PDPK1: variants seen among roughly 807,000 people sequenced by gnomAD.
The protein encoded by PDPK1 is 3-phosphoinositide-dependent protein kinase 1.
PDPK1 carries 7 observed loss-of-function variants against 39.8 expected under a neutral mutation model. That is an observed-to-expected ratio of 0.18 (90% CI 0.10 to 0.33). The LOEUF is 0.33. PDPK1 is among the 10% of genes least tolerant of loss of function. The pLI, the probability that PDPK1 is intolerant of heterozygous loss-of-function variation, is 1.00. For missense variants in PDPK1, 182 were observed against 384.7 expected (o/e 0.47, Z 4.41); for synonymous variants, 118 against 159.1 (o/e 0.74, Z 1.95).
intron 11 of PDPK1, among the ~76,000 whole-genome samples, chr16:2,592,244 C>T (rs1325581909): frequency 6.6e-6 from 1 of 152,162 alleles, no homozygotes; most frequent in African/African-American, 2.4e-5. Flanking sequence ...ATGGTCACCC[C>T]TTGTGGATTG....
At position 2,602,321 on chromosome 16, in the gene PDPK1, G is replaced by T; in HGVS notation, c.*4554G>T. 4.3e-6 allele frequency: 1 copy of T among 234,750 alleles called. No homozygotes were observed. The highest frequency in any genetic ancestry group is 1.8e-4 in the South Asian group (1 of 5,526). 14.5% of individuals were successfully genotyped at this position (234,750 alleles called of 1,614,324 possible). ...CCAAAATTGCAGGGTTGTAGATGAGGCTGCCTGTGGAGAACTGGTGTGAGG... is the reference window on the plus strand; with the variant it reads ...CCAAAATTGCAGGGTTGTAGATGAGTCTGCCTGTGGAGAACTGGTGTGAGG... On this transcript the variant is annotated 3_prime_UTR_variant, in exon 14 of 14. Transcript: ENST00000342085.
At chr16:2,542,563 A>G in intron 1 of PDPK1, among the ~76,000 whole-genome samples, 1 of 152,156 alleles carries the variant, frequency 6.6e-6, no homozygotes, top group Admixed American at 6.5e-5. Context: ...TGACATTAGC[A>G]GCTCACTGTT....
chr16:2,558,444 T>C (rs1025544957), intron 2 of PDPK1, among the ~76,000 whole-genome samples: 2 of 150,578 alleles, frequency 1.3e-5, no homozygotes, highest in African/African-American at 5.0e-5. Flanking sequence ...CTCTGGACAT[T>C]TGCTGGAGAC....
intron 1 of PDPK1, among the ~76,000 whole-genome samples, chr16:2,551,675 T>TTTTTGTTTG (rs1381490252): frequency 7.3e-6 from 1 of 136,794 alleles, no homozygotes; most frequent in South Asian, 2.1e-4. Context: ...TTTTTTTTTT[T>TTTTTGTTTG]TTTGTTTTTA....
rs553927845 is a variant in PDPK1, at chr16:2,546,341, C to T, written c.24+8205C>T. On this transcript the variant is annotated intron_variant, in intron 1 of 13. Transcript: ENST00000342085. ...TCGTGATCTACCCACCTCAGCCTCCCAAAGTGCTTTGAGACAGAGTCTCGC... is the reference window on the plus strand; with the variant it reads ...TCGTGATCTACCCACCTCAGCCTCCTAAAGTGCTTTGAGACAGAGTCTCGC... Among the ~76,000 whole-genome samples, 8 of 151,218 alleles carry T rather than the reference C, an allele frequency of 5.3e-5. No homozygotes were observed. In the South Asian group the frequency reaches 1.1e-3, roughly 20 times the overall value.
At chr16:2,588,167 C>T (rs917120819) in intron 11 of PDPK1, among the ~76,000 whole-genome samples, 18 of 152,252 alleles carry the variant, frequency 1.2e-4, no homozygotes, top group African/African-American at 4.1e-4. Context: ...CGGTTCGCCA[C>T]ACCTGTCTCT....
chr16:2,585,884 G>A (rs1021618057), intron 10 of PDPK1, among the ~76,000 whole-genome samples: 4 of 152,228 alleles, frequency 2.6e-5, no homozygotes, highest in African/African-American at 9.6e-5. Flanking sequence ...AGGGCATGCC[G>A]CACTCTTATC....
At chr16:2,591,224 A>T (rs1460195484) in intron 11 of PDPK1, among the ~76,000 whole-genome samples, 1 of 152,156 alleles carries the variant, frequency 6.6e-6, no homozygotes, top group Non-Finnish European at 1.5e-5. Flanking sequence ...CGGCCTCCCA[A>T]AGTGCTGGGA....
intron 11 of PDPK1, among the ~76,000 whole-genome samples, 198 bp downstream of exon 11, chr16:2,587,091 G>A (rs968474347): frequency 1.6e-4 from 25 of 152,340 alleles, no homozygotes; most frequent in African/African-American, 3.4e-4. Flanking sequence ...GGTTGTGACC[G>A]CCGGGCGCTC....
At position 2,602,418 on chromosome 16, in the gene PDPK1, G is replaced by C. The variant is rs748479536; in HGVS notation, c.*4651G>C. On this transcript the variant is annotated 3_prime_UTR_variant, in exon 14 of 14. Coordinates refer to ENST00000342085, the MANE Select transcript of PDPK1 (RefSeq NM_002613.5). ...GTGGTGAGCAACTGAACGAGCCTACGTGTGTACCTGAATTTTCCCCGTAAC... is the reference window on the plus strand; with the variant it reads ...GTGGTGAGCAACTGAACGAGCCTACCTGTGTACCTGAATTTTCCCCGTAAC... The C allele has an allele frequency of 8.5e-5, 20 of 235,226 alleles. No homozygotes were observed. Among genetic ancestry groups the C allele is most frequent in the Non-Finnish European group, 1.5e-4 (18 of 118,180 alleles). 14.6% of individuals were successfully genotyped at this position (235,226 alleles called of 1,614,324 possible). A position where few individuals can be genotyped will look rare whatever the true frequency, so the allele number is the denominator to read the frequency against.
chr16:2,540,642 T>G (rs1229021393), intron 1 of PDPK1, among the ~76,000 whole-genome samples: 2 of 152,162 alleles, frequency 1.3e-5, no homozygotes, highest in African/African-American at 4.8e-5. Flanking sequence ...TGTCTTCATA[T>G]GGAAGAACTG....
rs1257544653 is a variant in PDPK1, at chr16:2,573,801, T to TA, written c.710-3624_710-3623insA. 6.5e-5 allele frequency among the ~76,000 whole-genome samples: 8 copies of TA among 122,694 alleles called. No homozygotes were observed. In the East Asian group the frequency reaches 1.3e-3, roughly 20 times the overall value. The allele number at this position is 122,694 out of a possible 152,430, so 80.5% of individuals were successfully genotyped here. A position where few individuals can be genotyped will look rare whatever the true frequency, so the allele number is the denominator to read the frequency against. On this transcript the variant is annotated intron_variant, in intron 6 of 13. Coordinates refer to ENST00000342085, the MANE Select transcript of PDPK1 (RefSeq NM_002613.5). Reference sequence around the variant, plus strand: ...TTTTTTCCTTTTTCTGTTTTTATTTTTTTTTTTTTTGAGACGGAATTTCGC... The same window carrying TA: ...TTTTTTCCTTTTTCTGTTTTTATTTTATTTTTTTTTTGAGACGGAATTTCGC...
chr16:2,587,821 G>A (rs1349073537), intron 11 of PDPK1, among the ~76,000 whole-genome samples: 1 of 152,198 alleles, frequency 6.6e-6, no homozygotes, highest in Non-Finnish European at 1.5e-5. Context: ...CTCCAGTCTC[G>A]ATACTGTGTT....
chr16:2,573,669 T>C (rs1353490374), intron 6 of PDPK1, among the ~76,000 whole-genome samples: 1 of 95,418 alleles, frequency 1.0e-5, no homozygotes, highest in South Asian at 3.7e-4. Flanking sequence ...GCGGAGGAGG[T>C]TGCAGTAAGC....
At chr16:2,541,009 T>C (rs567528578) in intron 1 of PDPK1, among the ~76,000 whole-genome samples, 171 of 152,246 alleles carry the variant, frequency 1.1e-3, no homozygotes, top group African/African-American at 3.8e-3. Flanking sequence ...ATGTGGCTGG[T>C]CTGGTGCATA....
chr16:2,576,419 G>A (rs1357557673), intron 6 of PDPK1: 3 of 145,916 alleles, frequency 2.1e-5, no homozygotes, highest in Non-Finnish European at 4.4e-5. Flanking sequence ...GGTGTTCTTG[G>A]CAGGATCACT....
At chr16:2,586,949 G>C (rs2141993853) in intron 11 of PDPK1, 56 bp downstream of exon 11, 4 of 1,470,948 alleles carry the variant, frequency 2.7e-6, no homozygotes, top group East Asian at 2.3e-5. Flanking sequence ...GTGAACACGT[G>C]GGGGCTTATG....
chr16:2,586,453 G>A (rs1311533924), intron 10 of PDPK1, among the ~76,000 whole-genome samples: 1 of 152,268 alleles, frequency 6.6e-6, no homozygotes, highest in Non-Finnish European at 1.5e-5. Flanking sequence ...CTCTGGCCCT[G>A]ATTCCCATGG....
At chr16:2,550,684 G>A in intron 1 of PDPK1, 1 of 2,310 alleles carries the variant, frequency 4.3e-4, no homozygotes, top group Non-Finnish European at 7.0e-4. Context: ...GGCAGTCCGC[G>A]CCTCGTTGCC....
Sources: gnomAD v4.1 joint callset for allele counts (sites outside exome capture counted in the v4.1 genomes callset) on GRCh38, gnomAD v4.1.1 for gene constraint, MANE v1.5 for transcripts, NCBI Gene and HGNC (gene_info 2026-07-23, HGNC 2026-07-21) for gene names.